PLAGL2: variants seen among roughly 807,000 people sequenced by gnomAD.
PLAGL2 encodes PLAG1 like zinc finger 2.
A neutral mutation model predicts 29.0 loss-of-function variants in PLAGL2; 7 were observed. That is an observed-to-expected ratio of 0.24 (90% CI 0.14 to 0.45). PLAGL2 has a LOEUF of 0.45. Among genes scored for constraint, PLAGL2 ranks in the 20% least tolerant of loss-of-function variants. The pLI is 0.99. For missense variants in PLAGL2, 454 were observed against 648.2 expected (o/e 0.70, Z 3.25); for synonymous variants, 234 against 266.0 (o/e 0.88, Z 1.17).
At chr20:32,198,491 T>C (rs1287377602) in intron 2 of PLAGL2, among the ~76,000 whole-genome samples, 2 of 152,010 alleles carry the variant, frequency 1.3e-5, no homozygotes, top group African/African-American at 4.8e-5. Flanking sequence ...ATCTTAACCA[T>C]TAGATGGGCA....
chr20:32,200,246 CT>C (rs374852127), intron 2 of PLAGL2, among the ~76,000 whole-genome samples: 1 of 151,718 alleles, frequency 6.6e-6, no homozygotes, highest in Admixed American at 6.6e-5. Flanking sequence ...TATCTCATTT[CT>C]TTTTTTTTGA....
intron 2 of PLAGL2, among the ~76,000 whole-genome samples, chr20:32,199,258 AC>A (rs1220479528): frequency 2.0e-5 from 3 of 151,654 alleles, no homozygotes; most frequent in African/African-American, 7.3e-5. Flanking sequence ...TATCAAACAC[AC>A]CCCCTGCCCA....
intron 2 of PLAGL2, among the ~76,000 whole-genome samples, chr20:32,201,653 A>T (rs2047260099): frequency 6.6e-6 from 1 of 152,210 alleles, no homozygotes; most frequent in South Asian, 2.1e-4. Flanking sequence ...CGTCACTAAG[A>T]AGGTGTAAGA....
chr20:32,193,717 G>A lies in PLAGL2; in HGVS notation c.*2735C>T, dbSNP rs2047213081. 6.6e-6 allele frequency: 1 copy of A among 152,266 alleles called. No homozygotes were observed. The highest frequency in any genetic ancestry group is 2.1e-4 in the South Asian group (1 of 4,834). The allele number at this position is 152,266 out of a possible 1,614,324, so 9.4% of individuals were successfully genotyped here. Reference sequence around the variant, plus strand: ...GCATACTGAAGTGAGTTCGGGTACTGAGTGCAGGATAAAGCTATTCTTATC... The same window carrying A: ...GCATACTGAAGTGAGTTCGGGTACTAAGTGCAGGATAAAGCTATTCTTATC... On this transcript the variant is annotated 3_prime_UTR_variant, in exon 3 of 3. Transcript: ENST00000246229.
intron 1 of PLAGL2, among the ~76,000 whole-genome samples, chr20:32,205,636 G>C (rs562651526): frequency 5.3e-5 from 8 of 152,086 alleles, no homozygotes; most frequent in Non-Finnish European, 1.2e-4. Context: ...TAGAAACTGC[G>C]TTCTTTCTCC....
At chr20:32,205,086 T>G (rs1219855682) in intron 1 of PLAGL2, among the ~76,000 whole-genome samples, 1 of 152,216 alleles carries the variant, frequency 6.6e-6, no homozygotes, top group East Asian at 1.9e-4. Flanking sequence ...CGGATTTATT[T>G]TCCTTACCTG....
In PLAGL2 at chr20:32,197,702, A is replaced by T; in HGVS notation, c.261-20T>A. 3 of 1,603,844 alleles carry T rather than the reference A, an allele frequency of 1.9e-6. No homozygotes were observed. Among genetic ancestry groups the T allele is most frequent in the Non-Finnish European group, 2.6e-6 (3 of 1,172,734 alleles). On this transcript the variant is annotated intron_variant, in intron 2 of 2. Transcript: ENST00000246229. This position sits in a 1 kb window ranked among gnomAD's most constrained non-coding sequence, Gnocchi z 6.6. The stretch of plus-strand genomic sequence containing the variant: ...ATGTGCCTGGGGGTAGAGACAGGGG[A>T]TAGGGGAGAAAGCAGAAAGAGGGGA...
intron 1 of PLAGL2, among the ~76,000 whole-genome samples, chr20:32,203,770 A>G (rs1480385452): frequency 6.6e-6 from 1 of 152,356 alleles, no homozygotes; most frequent in Non-Finnish European, 1.5e-5. Context: ...TTTGCTCATC[A>G]TTAACATGAG....
chr20:32,201,486 A>T (rs925357646), intron 2 of PLAGL2, among the ~76,000 whole-genome samples: 25 of 152,176 alleles, frequency 1.6e-4, no homozygotes, highest in African/African-American at 6.0e-4. Flanking sequence ...TGGGAGAATG[A>T]GTCAAGAGAA....
At chr20:32,200,238 T>A (rs888415417) in intron 2 of PLAGL2, among the ~76,000 whole-genome samples, 18 of 152,136 alleles carry the variant, frequency 1.2e-4, no homozygotes, top group Non-Finnish European at 2.5e-4. Flanking sequence ...GGCCAATCTA[T>A]CTCATTTCTT....
chr20:32,196,420 G>A lies in PLAGL2; in HGVS notation c.*32C>T, dbSNP rs759582997. ...GTGGGTACTAAGGCTCCATAACAGAGCCAAAAACTGAGCTGAGGGCCTCTG... is the reference window on the plus strand; with the variant it reads ...GTGGGTACTAAGGCTCCATAACAGAACCAAAAACTGAGCTGAGGGCCTCTG... On this transcript the variant is annotated 3_prime_UTR_variant, in exon 3 of 3. Transcript: ENST00000246229. The A allele has an allele frequency of 1.4e-6, 2 of 1,440,746 alleles. No homozygotes were observed. Among genetic ancestry groups the A allele is most frequent in the South Asian group, 3.5e-5 (2 of 56,778 alleles). 89.2% of individuals were successfully genotyped at this position (1,440,746 alleles called of 1,614,324 possible).
intron 1 of PLAGL2, among the ~76,000 whole-genome samples, 173 bp from the exon 2 acceptor site, chr20:32,202,465 C>T (rs910355203): frequency 2.0e-5 from 3 of 152,188 alleles, no homozygotes; most frequent in Non-Finnish European, 4.4e-5. Flanking sequence ...GCATAATAAT[C>T]TCCTAAATTA....
In PLAGL2 at chr20:32,196,405, A is replaced by T. The variant is rs2047228149; in HGVS notation, c.*47T>A. The T allele has an allele frequency of 1.5e-6, 2 of 1,365,170 alleles. No homozygotes were observed. The highest frequency in any genetic ancestry group is 1.9e-6 in the Non-Finnish European group (2 of 1,037,862). 84.6% of individuals were successfully genotyped at this position (1,365,170 alleles called of 1,614,324 possible). On this transcript the variant is annotated 3_prime_UTR_variant, in exon 3 of 3. Transcript: ENST00000246229. ...GGGGACACAGACGGGGTGGGTACTAAGGCTCCATAACAGAGCCAAAAACTG... is the reference window on the plus strand; with the variant it reads ...GGGGACACAGACGGGGTGGGTACTATGGCTCCATAACAGAGCCAAAAACTG...
Position 32,207,680 on chromosome 20 carries a change from G to A in PLAGL2, c.-154C>T. The A allele has an allele frequency of 4.5e-6, 1 of 222,732 alleles. No homozygotes were observed. The highest frequency in any genetic ancestry group is 8.3e-6 in the Non-Finnish European group (1 of 120,034). The allele number at this position is 222,732 out of a possible 1,614,324, so 13.8% of individuals were successfully genotyped here. The stretch of plus-strand genomic sequence containing the variant: ...CACGCTGCGGGCCGGGCCGCGCTCG[G>A]GCTCCGCCAGGCCCCCTCAGGCCCC... On this transcript the variant is annotated 5_prime_UTR_variant, in exon 1 of 3. Coordinates refer to ENST00000246229, the MANE Select transcript of PLAGL2 (RefSeq NM_002657.3).
At chr20:32,198,315 T>A (rs2047240917) in intron 2 of PLAGL2, among the ~76,000 whole-genome samples, 1 of 152,238 alleles carries the variant, frequency 6.6e-6, no homozygotes, top group Non-Finnish European at 1.5e-5. Context: ...TAAATAATTT[T>A]AAATGATACA....
At position 32,195,181 on chromosome 20, in the gene PLAGL2, G is replaced by C. The variant is rs1331578035; in HGVS notation, c.*1271C>G. The C allele has an allele frequency of 6.6e-6, 1 of 152,388 alleles. No individual in the cohort carries two copies. The highest frequency in any genetic ancestry group is 2.1e-4 in the South Asian group (1 of 4,822). 9.4% of individuals were successfully genotyped at this position (152,388 alleles called of 1,614,324 possible). ...GAGACAGAAGGGACATTGTGGATAA[G>C]GAAAATTTTGGTTTGGGACACAACA... On this transcript the variant is annotated 3_prime_UTR_variant, in exon 3 of 3. Transcript: ENST00000246229.
At chr20:32,203,825 C>T (rs771672481) in intron 1 of PLAGL2, among the ~76,000 whole-genome samples, 8 of 152,150 alleles carry the variant, frequency 5.3e-5, no homozygotes, top group Admixed American at 3.3e-4. Flanking sequence ...AGAAACACTG[C>T]GATGTAATAT....
intron 2 of PLAGL2, among the ~76,000 whole-genome samples, chr20:32,199,761 G>A (rs184973263): frequency 6.6e-6 from 1 of 152,038 alleles, no homozygotes; most frequent in Non-Finnish European, 1.5e-5. Context: ...GATCACTTGA[G>A]CCCAGGAGTT....
chr20:32,193,774 T>C lies in PLAGL2; in HGVS notation c.*2678A>G, dbSNP rs2047213421. 2 of 153,480 alleles carry C rather than the reference T, an allele frequency of 1.3e-5. No homozygotes were observed. Among genetic ancestry groups the C allele is most frequent in the Admixed American group, 6.5e-5 (1 of 15,290 alleles). 9.5% of individuals were successfully genotyped at this position (153,480 alleles called of 1,614,324 possible). On this transcript the variant is annotated 3_prime_UTR_variant, in exon 3 of 3. Coordinates refer to ENST00000246229, the MANE Select transcript of PLAGL2 (RefSeq NM_002657.3). ...ACAACCAGGCCACTAAGGCTTTTTT[T>C]TTCTTTCCCCCCGACCCCCCAGATT... is the stretch of plus-strand genomic sequence containing the variant.
Sources: gnomAD v4.1 joint callset for allele counts (sites outside exome capture counted in the v4.1 genomes callset) on GRCh38, gnomAD v4.1.1 for gene constraint, Gnocchi (gnomAD v3.1) non-coding constraint, MANE v1.5 for transcripts, NCBI Gene and HGNC (gene_info 2026-07-23, HGNC 2026-07-21) for gene names.